GRID2: variants seen among roughly 807,000 people sequenced by gnomAD.
GRID2 encodes the protein glutamate receptor ionotropic, delta-2.
A neutral mutation model predicts 114.8 loss-of-function variants in GRID2; 33 were observed. The observed-to-expected ratio is 0.29, with a 90% CI of 0.22 to 0.38. The LOEUF is 0.38. Ranked by LOEUF, GRID2 falls within the 10% of genes least tolerant of loss-of-function variation. The pLI is 1.00. For missense variants in GRID2, 1,184 were observed against 1,257.7 expected, an observed-to-expected ratio of 0.94 and a Z score of 0.89; for synonymous variants, 505 against 449.9, an observed-to-expected ratio of 1.12 and a Z score of -1.55.
intron 2 of GRID2, among the ~76,000 whole-genome samples, chr4:93,038,977 C>T (rs559025067): frequency 9.2e-5 from 14 of 152,004 alleles, no homozygotes; most frequent in Admixed American, 2.6e-4. Flanking sequence ...GGTATATACC[C>T]GAAGGATTAT....
intron 1 of GRID2, among the ~76,000 whole-genome samples, chr4:92,386,022 G>A (rs1729944658): frequency 6.6e-6 from 1 of 150,920 alleles, no homozygotes; most frequent in East Asian, 2.0e-4. Flanking sequence ...GATAATGAAA[G>A]GATTGCTTTG....
chr4:92,584,617 A>G (rs879274952), intron 1 of GRID2, among the ~76,000 whole-genome samples: 1 of 152,038 alleles, frequency 6.6e-6, no homozygotes, highest in African/African-American at 2.4e-5. Flanking sequence ...ACTACATTTC[A>G]TCAATTTTAT....
intron 1 of GRID2, among the ~76,000 whole-genome samples, chr4:92,552,473 T>C (rs186676299): frequency 6.6e-6 from 1 of 152,224 alleles, no homozygotes; most frequent in East Asian, 1.9e-4. Context: ...AAAGCAGATG[T>C]TGCACTGCAA....
intron 2 of GRID2, among the ~76,000 whole-genome samples, chr4:92,661,087 G>T (rs1303530775): frequency 1.3e-5 from 2 of 150,712 alleles, no homozygotes; most frequent in Non-Finnish European, 3.0e-5. Context: ...ATCATTATCA[G>T]CTAACATGAC....
intron 2 of GRID2, among the ~76,000 whole-genome samples, chr4:92,753,040 A>C (rs1231155020): frequency 6.6e-6 from 1 of 152,226 alleles, no homozygotes; most frequent in African/African-American, 2.4e-5. Context: ...ATGAATATTC[A>C]TAGCACTCAG....
chr4:93,634,838 A>G (rs2149703931), intron 14 of GRID2, among the ~76,000 whole-genome samples: 1 of 152,270 alleles, frequency 6.6e-6, no homozygotes, highest in East Asian at 1.9e-4. Flanking sequence ...GTGAAAAATC[A>G]AAGAAGTGCA....
chr4:93,272,944 A>G (rs1751625531), intron 8 of GRID2, among the ~76,000 whole-genome samples: 2 of 152,222 alleles, frequency 1.3e-5, no homozygotes, highest in Admixed American at 1.3e-4. Context: ...CCTCACTCCC[A>G]TGTCTGGAAA....
intron 2 of GRID2, among the ~76,000 whole-genome samples, chr4:93,074,565 G>T (rs890732953): frequency 6.6e-6 from 1 of 152,124 alleles, no homozygotes; most frequent in Non-Finnish European, 1.5e-5. Flanking sequence ...GTCTAAAATT[G>T]ACAATCACAG....
intron 1 of GRID2, among the ~76,000 whole-genome samples, chr4:92,465,561 T>A (rs1721715033): frequency 6.6e-6 from 1 of 152,128 alleles, no homozygotes; most frequent in Admixed American, 6.6e-5. Flanking sequence ...ATGTTGGCAC[T>A]TTCTTTGTAG....
At chr4:92,342,593 G>C (rs1039240749) in intron 1 of GRID2, among the ~76,000 whole-genome samples, 4 of 152,184 alleles carry the variant, frequency 2.6e-5, no homozygotes, top group Admixed American at 2.6e-4. Context: ...GGTGTTCTTG[G>C]AAGGAAATTC....
chr4:92,957,491 T>C (rs546034962), intron 2 of GRID2, among the ~76,000 whole-genome samples: 3 of 152,234 alleles, frequency 2.0e-5, no homozygotes, highest in African/African-American at 7.2e-5. Flanking sequence ...CTGGACTCTT[T>C]TCTGTTCCAT....
At chr4:93,757,868 A>G (rs1188761427) in intron 14 of GRID2, among the ~76,000 whole-genome samples, 1 of 152,194 alleles carries the variant, frequency 6.6e-6, no homozygotes, top group Non-Finnish European at 1.5e-5. Flanking sequence ...GAGGCAGGAG[A>G]ATTGCTTGAA....
chr4:93,699,928 AC>A (rs1198878400), intron 14 of GRID2, among the ~76,000 whole-genome samples: 2 of 152,106 alleles, frequency 1.3e-5, no homozygotes, highest in Non-Finnish European at 2.9e-5. Context: ...TCTAAACTAG[AC>A]TTCTAACCAA....
chr4:93,662,432 A>C (rs1723582637), intron 14 of GRID2, among the ~76,000 whole-genome samples: 1 of 152,228 alleles, frequency 6.6e-6, no homozygotes, highest in Non-Finnish European at 1.5e-5. Context: ...CCCAGTACCT[A>C]AAACAGTGCC....
At chr4:92,512,681 G>A (rs1724314560) in intron 1 of GRID2, among the ~76,000 whole-genome samples, 1 of 151,754 alleles carries the variant, frequency 6.6e-6, no homozygotes, top group Non-Finnish European at 1.5e-5. Context: ...ATTGCTTGGT[G>A]CCTACACCTT....
At chr4:93,081,975 T>G (rs1420313450) in intron 2 of GRID2, among the ~76,000 whole-genome samples, 3 of 152,214 alleles carry the variant, frequency 2.0e-5, no homozygotes, top group Admixed American at 1.3e-4. Context: ...TAGCCTATTT[T>G]TATACTAACC....
At chr4:92,602,998 GT>G (rs1298752103) in intron 2 of GRID2, among the ~76,000 whole-genome samples, 6 of 152,120 alleles carry the variant, frequency 3.9e-5, no homozygotes, top group African/African-American at 1.4e-4. Flanking sequence ...AGCAAGGGAA[GT>G]GAAGGACCTC....
intron 14 of GRID2, among the ~76,000 whole-genome samples, chr4:93,681,429 C>T (rs2110091864): frequency 6.6e-6 from 1 of 151,602 alleles, no homozygotes; most frequent in East Asian, 1.9e-4. Context: ...AAAAAAACTA[C>T]TTTAAAGTTC....
chr4:93,120,711 T>C (rs1733702881), intron 4 of GRID2, among the ~76,000 whole-genome samples: 1 of 152,078 alleles, frequency 6.6e-6, no homozygotes, highest in South Asian at 2.1e-4. Flanking sequence ...CCCAGCACTT[T>C]GGGAGGCTGA....
Sources: gnomAD v4.1 joint callset for allele counts (sites outside exome capture counted in the v4.1 genomes callset) on GRCh38, gnomAD v4.1.1 for gene constraint, MANE v1.5 for transcripts, NCBI Gene and HGNC (gene_info 2026-07-23, HGNC 2026-07-21) for gene names.